CUL2: variants seen among roughly 807,000 people sequenced by gnomAD.
CUL2 encodes the protein cullin-2.
In CUL2, 22 loss-of-function variants were observed where a neutral mutation model predicts 110.2. The ratio of observed to expected loss-of-function variants is 0.20; its 90% CI spans 0.14 to 0.28. CUL2 has a LOEUF of 0.28. CUL2 is among the 10% of genes least tolerant of loss of function. The pLI is 1.00. For synonymous variants in CUL2, 279 were observed against 293.2 expected (o/e 0.95, Z 0.49); for missense variants, 631 against 905.5 (o/e 0.70, Z 3.89).
intron 2 of CUL2, chr10:35,099,513 C>T (rs955230860): frequency 4.0e-5 from 6 of 151,888 alleles, no homozygotes; most frequent in African/African-American, 1.2e-4. Flanking sequence ...AAATAGCATA[C>T]TTAGACTTAG....
chr10:35,108,361 G>A (rs902104550), intron 1 of CUL2, among the ~76,000 whole-genome samples: 3 of 151,784 alleles, frequency 2.0e-5, no homozygotes, highest in Admixed American at 6.6e-5. Flanking sequence ...GGAGGCTAAG[G>A]TGGGAGGATC....
chr10:35,079,186 A>G (rs2086889449), intron 1 of CUL2, among the ~76,000 whole-genome samples: 2 of 152,228 alleles, frequency 1.3e-5, no homozygotes, highest in Admixed American at 1.3e-4. Flanking sequence ...AACAATTATA[A>G]CAATATGCTA....
At chr10:35,079,691 C>G (rs1381108404) in intron 1 of CUL2, 2 of 154,712 alleles carry the variant, frequency 1.3e-5, no homozygotes, top group Non-Finnish European at 2.9e-5. Context: ...TACAGTAGGT[C>G]TTAGCAATCT....
At chr10:35,016,556 G>C (rs1296505292) in intron 17 of CUL2, among the ~76,000 whole-genome samples, 162 bp from the exon 18 acceptor site, 8 of 152,140 alleles carry the variant, frequency 5.3e-5, no homozygotes, top group Non-Finnish European at 1.2e-4. Flanking sequence ...TTCTTGGGGA[G>C]GTGAGGATGG....
intron 1 of CUL2, among the ~76,000 whole-genome samples, chr10:35,110,834 C>G (rs866597059): frequency 2.6e-5 from 4 of 152,096 alleles, no homozygotes; most frequent in African/African-American, 9.7e-5. Context: ...CTCATTTTAA[C>G]TTAATCATAT....
chr10:35,079,296 ATGAAGTGAGG>A (rs1311224834), intron 1 of CUL2, among the ~76,000 whole-genome samples: 1 of 152,234 alleles, frequency 6.6e-6, no homozygotes, highest in Non-Finnish European at 1.5e-5. Flanking sequence ...ATGTAATGAG[ATGAAGTGAGG>A]TGAGTGACAC....
chr10:35,013,619 C>A lies in CUL2; in HGVS notation c.1989+80G>T, dbSNP rs12242284. 7.9e-3 allele frequency: 7,260 copies of A among 913,522 alleles called. 338 individuals are homozygous for A. The African/African-American group carries it at 0.11, about 13-fold the overall frequency. The allele number at this position is 913,522 out of a possible 1,614,324, so 56.6% of individuals were successfully genotyped here. ...TAATTTTGCTGTGCAAAGTTTTGCACAATCTCAATGTAAACACTTGTAAAG... is the reference window on the plus strand; with the variant it reads ...TAATTTTGCTGTGCAAAGTTTTGCAAAATCTCAATGTAAACACTTGTAAAG... On this transcript the variant is annotated intron_variant, in intron 19 of 20. Coordinates refer to ENST00000374749, the MANE Select transcript of CUL2 (RefSeq NM_003591.4).
At chr10:35,117,645 T>C (rs1253750875) in intron 1 of CUL2, among the ~76,000 whole-genome samples, 1 of 152,062 alleles carries the variant, frequency 6.6e-6, no homozygotes. Context: ...GCACAATGAA[T>C]AGAAGAGTTG....
intron 1 of CUL2, among the ~76,000 whole-genome samples, chr10:35,077,010 C>T (rs1194178393): frequency 6.6e-6 from 1 of 152,148 alleles, no homozygotes. Flanking sequence ...CGAGATAAAA[C>T]TCCCAAGAGA....
chr10:35,043,564 G>A (rs1280521954), intron 8 of CUL2, among the ~76,000 whole-genome samples: 4 of 152,086 alleles, frequency 2.6e-5, no homozygotes, highest in African/African-American at 4.8e-5. Context: ...TAAACTACTC[G>A]ACCTTTCTTG....
chr10:35,094,010 AT>A (rs2087255803), upstream of CUL2, among the ~76,000 whole-genome samples: 1 of 152,078 alleles, frequency 6.6e-6, no homozygotes, highest in South Asian at 2.1e-4. Flanking sequence ...TATCCTTTAA[AT>A]TTCTAATACA....
intron 6 of CUL2, among the ~76,000 whole-genome samples, chr10:35,047,853 T>C (rs1365804146): frequency 6.6e-6 from 1 of 151,548 alleles, no homozygotes; most frequent in African/African-American, 2.4e-5. Context: ...TGCAGTGAGC[T>C]GAAATCATGT....
chr10:35,011,922 T>C lies in CUL2; in HGVS notation c.2032A>G (p.Met678Val), dbSNP rs1415531171. The change falls in exon 20 of 21, where the codon ATG becomes GTG. Residue 678 changes from methionine to valine, a missense_variant. Physicochemically the swap from Met to Val is conservative, Grantham distance 21. Around this residue, in one of 3 missense-constraint regions of CUL2, gnomAD observed 159 missense variants for 202.7 expected, o/e 0.78. Coordinates refer to ENST00000374749, the MANE Select transcript of CUL2 (RefSeq NM_003591.4). ...TRSAVDEDRK[M>V]YLQAAIVRIM... Reference sequence around the variant, plus strand: ...CGAACTATAGCAGCTTGGAGATACATTTTCCGGTCCTCATCAACTGCACTT... The same window carrying C: ...CGAACTATAGCAGCTTGGAGATACACTTTCCGGTCCTCATCAACTGCACTT... The C allele has an allele frequency of 2.5e-6, 4 of 1,612,984 alleles. No individual in the cohort carries two copies. Among genetic ancestry groups the C allele is most frequent in the Non-Finnish European group, 2.5e-6 (3 of 1,179,374 alleles).
rs762241331 is a variant in CUL2 at position 35,071,228 on chromosome 10, G to A, written c.90C>T (p.Val30=). 91 of 1,613,898 alleles carry A rather than the reference G, an allele frequency of 5.6e-5. No individual in the cohort carries two copies. The South Asian group carries it at 6.3e-4, about 11-fold the overall frequency. ...AACGGTCATTCCATGTTGCTCTTTC[G>A]ACGTATTCCAACATGACCACGGCTT... ...TIKAVVMLEY[V]ERATWNDRFS... is the part of the protein sequence containing the mutation. Residue 30 remains valine (V), a synonymous_variant, in exon 2 of 21, where the codon GTC becomes GTT. Coordinates refer to ENST00000374749, the MANE Select transcript of CUL2 (RefSeq NM_003591.4).
intron 17 of CUL2, among the ~76,000 whole-genome samples, chr10:35,021,965 T>C (rs1461691134): frequency 1.3e-5 from 2 of 151,426 alleles, no homozygotes; most frequent in African/African-American, 4.8e-5. Flanking sequence ...CAAGTTGAGA[T>C]GTGATTTCCC....
upstream of CUL2, among the ~76,000 whole-genome samples, chr10:35,091,594 A>G (rs1392214647): frequency 6.6e-6 from 1 of 151,632 alleles, no homozygotes; most frequent in African/African-American, 2.4e-5. Context: ...GTTAACAACT[A>G]GTTTGTTAAC....
intron 2 of CUL2, among the ~76,000 whole-genome samples, chr10:35,065,157 T>TTTA (rs2086484596): frequency 6.6e-6 from 1 of 152,214 alleles, no homozygotes; most frequent in Admixed American, 6.5e-5. Context: ...CCAGGAAACG[T>TTTA]TTAGCCCTTA....
At chr10:35,068,052 G>A (rs1307379401) in intron 2 of CUL2, among the ~76,000 whole-genome samples, 1 of 149,264 alleles carries the variant, frequency 6.7e-6, no homozygotes, top group African/African-American at 2.5e-5. Context: ...GGAGCTTGCA[G>A]TGAGCCGAGA....
intron 19 of CUL2, among the ~76,000 whole-genome samples, chr10:35,013,344 C>CAAA (rs71523352): frequency 0.2 from 16,648 of 83,354 alleles, 1,196 homozygotes; most frequent in Middle Eastern, 0.31. Flanking sequence ...GACTCCGTCT[C>CAAA]AAAAAAAAAA....
Sources: gnomAD v4.1 joint callset for allele counts (sites outside exome capture counted in the v4.1 genomes callset) on GRCh38, gnomAD v4.1.1 for gene constraint, gnomAD v4.1.1 regional missense constraint, MANE v1.5 for transcripts, NCBI Gene and HGNC (gene_info 2026-07-23, HGNC 2026-07-21) for gene names.